RAB22A: variants seen among roughly 807,000 people sequenced by gnomAD.
RAB22A encodes ras-related protein Rab-22A.
A neutral mutation model predicts 30.2 loss-of-function variants in RAB22A; 13 were observed. That is an observed-to-expected ratio of 0.43 (90% CI 0.28 to 0.68). The LOEUF (loss-of-function observed/expected upper bound fraction) is 0.68. Ranked by LOEUF, RAB22A falls within the 30% of genes least tolerant of loss-of-function variation. The pLI is 0.18. For missense variants in RAB22A, 177 were observed against 246.8 expected (o/e 0.72, Z 1.89); for synonymous variants, 89 against 87.2 (o/e 1.02, Z -0.11).
rs191322628 is a variant in RAB22A, at chr20:58,354,275, T to C, written c.487+10T>C. ...CTCTTTATAGAAATTAGTGAGTATC[T>C]CTGTGCCTTATCCATTTCCTCTGTA... On this transcript the variant is annotated intron_variant, in intron 6 of 6. Coordinates refer to ENST00000244040, the MANE Select transcript of RAB22A (RefSeq NM_020673.3). 13 of 1,576,972 alleles carry C rather than the reference T, an allele frequency of 8.2e-6. No homozygotes were observed. The highest frequency in any genetic ancestry group is 5.6e-5 in the South Asian group (5 of 89,580).
At chr20:58,347,255 G>T (rs1986965862) in intron 3 of RAB22A, among the ~76,000 whole-genome samples, 1 of 152,120 alleles carries the variant, frequency 6.6e-6, no homozygotes, top group African/African-American at 2.4e-5. Flanking sequence ...TCTTTCTGAT[G>T]GTCCAGCTAC....
At chr20:58,328,887 A>G (rs556502837) in intron 2 of RAB22A, among the ~76,000 whole-genome samples, 1 of 152,268 alleles carries the variant, frequency 6.6e-6, no homozygotes, top group Non-Finnish European at 1.5e-5. Flanking sequence ...TTTTACACAC[A>G]TATTAGCATT....
intron 3 of RAB22A, among the ~76,000 whole-genome samples, chr20:58,349,792 A>G (rs142053699): frequency 6.6e-6 from 1 of 152,312 alleles, no homozygotes; most frequent in Non-Finnish European, 1.5e-5. Flanking sequence ...AGAAGAAAAA[A>G]ACCAAGCGTC....
At chr20:58,350,108 A>T (rs1987020956) in intron 3 of RAB22A, among the ~76,000 whole-genome samples, 1 of 152,222 alleles carries the variant, frequency 6.6e-6, no homozygotes, top group Non-Finnish European at 1.5e-5. Context: ...AAGGGAAAAA[A>T]AAAAGGAGTG....
At chr20:58,334,410 A>C (rs1456638899) in intron 2 of RAB22A, among the ~76,000 whole-genome samples, 1 of 152,192 alleles carries the variant, frequency 6.6e-6, no homozygotes, top group Non-Finnish European at 1.5e-5. Flanking sequence ...AGAAGATAGA[A>C]AAAGAAGAGC....
chr20:58,310,478 A>G (rs1568861897), intron 1 of RAB22A, among the ~76,000 whole-genome samples: 1 of 152,170 alleles, frequency 6.6e-6, no homozygotes, highest in South Asian at 2.1e-4. Context: ...CCAAAGAGTT[A>G]CTTTGCCAAG....
At position 58,360,896 on chromosome 20, in the gene RAB22A, G is replaced by A. The variant is rs1175079087; in HGVS notation, c.*1193G>A. 1 of 152,638 alleles carries A rather than the reference G, an allele frequency of 6.6e-6. No individual in the cohort carries two copies. The highest frequency in any genetic ancestry group is 1.5e-5 in the Non-Finnish European group (1 of 68,052). The allele number at this position is 152,638 out of a possible 1,614,324, so 9.5% of individuals were successfully genotyped here. On this transcript the variant is annotated 3_prime_UTR_variant, in exon 7 of 7. Coordinates refer to ENST00000244040, the MANE Select transcript of RAB22A (RefSeq NM_020673.3). ...AAACCTGACTAGTCCTTACTAGCCT[G>A]AGGGTAAAAGATTAAGCTCCAACCT...
chr20:58,325,175 CAAA>C (rs766377233), intron 2 of RAB22A, among the ~76,000 whole-genome samples: 1 of 65,228 alleles, frequency 1.5e-5, no homozygotes, highest in South Asian at 4.9e-4. Flanking sequence ...GACTCCATCT[CAAA>C]AAAAAAAAAA....
At chr20:58,333,464 T>C (rs1986695685) in intron 2 of RAB22A, among the ~76,000 whole-genome samples, 1 of 152,084 alleles carries the variant, frequency 6.6e-6, no homozygotes, top group African/African-American at 2.4e-5. Flanking sequence ...TCAAGAAATA[T>C]TAACAGGAGC....
Position 58,354,247 on chromosome 20 carries a change from G to A in RAB22A, c.469G>A (p.Glu157Lys), listed in dbSNP as rs763700672. 6.2e-7 allele frequency: 1 copy of A among 1,611,880 alleles called. No individual in the cohort carries two copies. The highest frequency in any genetic ancestry group is 2.2e-5 in the East Asian group (1 of 44,852). Residue 157 changes from glutamate (E) to lysine (K), a missense_variant, in exon 6 of 7, where the codon GAA becomes AAA. Transcript: ENST00000244040. Reference protein sequence around the residue: ...TSAKNAININELFIEISRRIP... With the variant: ...TSAKNAININKLFIEISRRIP... ...CGCAAAAAACGCGATAAACATAAAT[G>A]AACTCTTTATAGAAATTAGTGAGTA...
rs1987318106 is a variant in RAB22A, at chr20:58,366,423, T to C, written c.*6720T>C. 1 of 152,200 alleles carries C rather than the reference T, an allele frequency of 6.6e-6. No homozygotes were observed. The highest frequency in any genetic ancestry group is 1.5e-5 in the Non-Finnish European group (1 of 68,042). The allele number at this position is 152,200 out of a possible 1,614,324, so 9.4% of individuals were successfully genotyped here. ...GCATTCGATATTACAGTAGGGAGAC[T>C]GCATTTAACAATAATTGATTGTATA... is the stretch of plus-strand genomic sequence containing the variant. On this transcript the variant is annotated 3_prime_UTR_variant, in exon 7 of 7. Coordinates refer to ENST00000244040, the MANE Select transcript of RAB22A (RefSeq NM_020673.3).
Position 58,353,570 on chromosome 20 carries a change from T to C in RAB22A, c.377+32T>C, listed in dbSNP as rs746135171. ...TATTAGAACGAGAGATTACAATACC[T>C]ATTATGTGTTCCTTTTCTTAATAAG... On this transcript the variant is annotated intron_variant, in intron 5 of 6. Transcript: ENST00000244040. 2.1e-6 allele frequency: 3 copies of C among 1,459,528 alleles called. 1 individual carries two copies. In the South Asian group the frequency reaches 3.5e-5, roughly 17 times the overall value. 90.4% of individuals were successfully genotyped at this position (1,459,528 alleles called of 1,614,324 possible).
At chr20:58,340,791 G>C (rs922626297) in intron 2 of RAB22A, among the ~76,000 whole-genome samples, 11 of 152,178 alleles carry the variant, frequency 7.2e-5, no homozygotes, top group African/African-American at 2.6e-4. Flanking sequence ...GTGGGAGGCT[G>C]CCTGGTGGGG....
intron 3 of RAB22A, among the ~76,000 whole-genome samples, chr20:58,351,388 C>T (rs1987047146): frequency 6.6e-6 from 1 of 151,394 alleles, no homozygotes; most frequent in Non-Finnish European, 1.5e-5. Flanking sequence ...AAAGCAACAA[C>T]TTAAAAAATA....
chr20:58,358,430 C>T (rs1398803391), intron 6 of RAB22A, among the ~76,000 whole-genome samples: 1 of 152,200 alleles, frequency 6.6e-6, no homozygotes, highest in Non-Finnish European at 1.5e-5. Flanking sequence ...TGACCTAGCT[C>T]TTCCACTCCG....
intron 2 of RAB22A, among the ~76,000 whole-genome samples, chr20:58,321,140 G>A (rs1986450402): frequency 6.6e-6 from 1 of 150,980 alleles, no homozygotes; most frequent in Admixed American, 6.6e-5. Flanking sequence ...CAGTGAGCCC[G>A]AGACTGCGCC....
At chr20:58,335,259 C>G (rs568041659) in intron 2 of RAB22A, among the ~76,000 whole-genome samples, 1 of 152,280 alleles carries the variant, frequency 6.6e-6, no homozygotes, top group African/African-American at 2.4e-5. Context: ...GCTGTTATGC[C>G]GTCACCTCAT....
At chr20:58,319,115 T>C (rs1265797662) in intron 2 of RAB22A, among the ~76,000 whole-genome samples, 1 of 152,204 alleles carries the variant, frequency 6.6e-6, no homozygotes, top group African/African-American at 2.4e-5. Flanking sequence ...ACATGTCATT[T>C]GTTTCTAGGA....
Position 58,360,479 on chromosome 20 carries a change from GGAA to G in RAB22A, c.*782_*784del, listed in dbSNP as rs1229422757. The G allele has an allele frequency of 3.3e-5, 5 of 152,626 alleles. No individual in the cohort carries two copies. The highest frequency in any genetic ancestry group is 1.2e-4 in the African/African-American group (5 of 41,506). 9.5% of individuals were successfully genotyped at this position (152,626 alleles called of 1,614,324 possible). A position where few individuals can be genotyped will look rare whatever the true frequency, so the allele number is the denominator to read the frequency against. On this transcript the variant is annotated 3_prime_UTR_variant, in exon 7 of 7. Transcript: ENST00000244040. ...AAAATGACTAGCAATGGTTTAAAAA[GGAA>G]GAAGAGTGGAAGTGAAGAAGGTGGT...
Sources: allele counts gnomAD v4.1 joint callset (sites outside exome capture counted in the v4.1 genomes callset), GRCh38; gene constraint gnomAD v4.1.1; transcripts MANE v1.5; gene names NCBI Gene and HGNC (gene_info 2026-07-23, HGNC 2026-07-21).